The following NINL variants were observed in gnomAD, a reference collection of about 807,000 sequenced individuals.
NINL encodes the protein ninein like.
In NINL, 153 loss-of-function variants were observed where a neutral mutation model predicts 160.3. The ratio of observed to expected loss-of-function variants is 0.95; its 90% confidence interval spans 0.84 to 1.09. The LOEUF (loss-of-function observed/expected upper bound fraction) is 1.09. Among genes scored for constraint, NINL ranks in the 50% least tolerant of loss-of-function variants. The pLI, the probability that NINL is intolerant of heterozygous loss-of-function variation, is 0.00. For missense variants in NINL, 1,829 were observed against 1,764.0 expected, an observed-to-expected ratio of 1.04 and a Z score of -0.66; for synonymous variants, 800 against 734.8, an observed-to-expected ratio of 1.09 and a Z score of -1.43.
chr20:25,472,535 TTC>T (rs2063130529), intron 17 of NINL, among the ~76,000 whole-genome samples: 1 of 148,716 alleles, frequency 6.7e-6, no homozygotes, highest in African/African-American at 2.5e-5. Flanking sequence ...GGGAAAATAT[TTC>T]TTTTTTTTTT....
intron 14 of NINL, 125 bp downstream of exon 14, chr20:25,481,843 G>C: frequency 7.2e-7 from 1 of 1,389,946 alleles, no homozygotes; most frequent in South Asian, 1.4e-5. Flanking sequence ...CTGCAGAGCA[G>C]ACCACCTCCC....
At chr20:25,561,612 C>A (rs2064938632) in intron 1 of NINL, among the ~76,000 whole-genome samples, 1 of 151,976 alleles carries the variant, frequency 6.6e-6, no homozygotes, top group Non-Finnish European at 1.5e-5. Flanking sequence ...GGCCACCATC[C>A]CATCTAGGAA....
intron 1 of NINL, among the ~76,000 whole-genome samples, chr20:25,567,497 C>A (rs565024162): frequency 1.8e-4 from 27 of 152,196 alleles, no homozygotes; most frequent in African/African-American, 6.5e-4. Flanking sequence ...CTAGACCTAT[C>A]ATATTCAAAT....
At chr20:25,551,973 G>A (rs2064811716) in intron 1 of NINL, among the ~76,000 whole-genome samples, 2 of 152,204 alleles carry the variant, frequency 1.3e-5, no homozygotes, top group East Asian at 3.8e-4. Context: ...AGCAATTTGT[G>A]AGGGAGGCCA....
intron 1 of NINL, among the ~76,000 whole-genome samples, chr20:25,562,083 A>G (rs2064948885): frequency 7.1e-6 from 1 of 140,812 alleles, no homozygotes; most frequent in African/African-American, 2.7e-5. Flanking sequence ...TGGGGGGGTC[A>G]GCCCCCCGCC....
intron 1 of NINL, among the ~76,000 whole-genome samples, chr20:25,568,424 T>C (rs889883332): frequency 6.6e-6 from 1 of 151,590 alleles, no homozygotes; most frequent in Non-Finnish European, 1.5e-5. Flanking sequence ...TTTTTTTTTT[T>C]AAAGACAGAC....
chr20:25,554,283 G>C (rs1250626619), intron 1 of NINL, among the ~76,000 whole-genome samples: 1 of 152,218 alleles, frequency 6.6e-6, no homozygotes, highest in Non-Finnish European at 1.5e-5. Flanking sequence ...CCCAAAGACA[G>C]ACAGAAGGAC....
At chr20:25,496,422 A>G (rs1490570360) in intron 10 of NINL, among the ~76,000 whole-genome samples, 1 of 152,082 alleles carries the variant, frequency 6.6e-6, no homozygotes. Context: ...AGGAGGCAGG[A>G]CCTCCTCGGC....
At chr20:25,572,688 T>C (rs2065067775) in intron 1 of NINL, among the ~76,000 whole-genome samples, 1 of 152,094 alleles carries the variant, frequency 6.6e-6, no homozygotes, top group South Asian at 2.1e-4. Context: ...CACAAGCATA[T>C]AAGGTAGTTT....
chr20:25,489,245 C>G lies in NINL; in HGVS notation c.1676G>C (p.Arg559Pro). Residue 559 changes from arginine (R) to proline (P), a missense_variant and splice_region_variant, in exon 13 of 24, where the codon CGG (arginine) becomes CCG (proline). Arg to Pro is a moderately radical substitution (Grantham distance 103). Coordinates refer to ENST00000278886, the MANE Select transcript of NINL (RefSeq NM_025176.6). ...AVLKEYELKCRDLQDRNDELQ... is the reference protein window; with the variant it reads ...AVLKEYELKCPDLQDRNDELQ... Reference sequence around the variant, plus strand: ...AAGGCAGACAGAGCAGGCACGTACCCGGCACTTGAGCTCGTATTCCTTCAG... The same window carrying G: ...AAGGCAGACAGAGCAGGCACGTACCGGGCACTTGAGCTCGTATTCCTTCAG... 6.2e-7 allele frequency: 1 copy of G among 1,614,074 alleles called. No homozygotes were observed. Among genetic ancestry groups the G allele is most frequent in the Non-Finnish European group, 8.5e-7 (1 of 1,179,924 alleles).
chr20:25,457,442 A>T (rs1327664812), intron 22 of NINL, among the ~76,000 whole-genome samples: 2 of 152,222 alleles, frequency 1.3e-5, no homozygotes, highest in Admixed American at 1.3e-4. Flanking sequence ...TGGTCCTAAG[A>T]TTTTAACCAT....
At chr20:25,469,781 G>A (rs1021574555) in intron 18 of NINL, among the ~76,000 whole-genome samples, 2 of 152,152 alleles carry the variant, frequency 1.3e-5, no homozygotes, top group Admixed American at 6.5e-5. Context: ...GAGCTGGGGC[G>A]TTCAGGTGCC....
intron 2 of NINL, among the ~76,000 whole-genome samples, chr20:25,518,474 C>T (rs555525428): frequency 2.0e-5 from 3 of 152,174 alleles, no homozygotes; most frequent in Non-Finnish European, 4.4e-5. Flanking sequence ...GGTCCATTTT[C>T]TCTTTTAACA....
chr20:25,498,425 C>CAGGG, intron 8 of NINL, 79 bp from the exon 9 acceptor site: 1 of 1,553,810 alleles, frequency 6.4e-7, no homozygotes, highest in Non-Finnish European at 8.7e-7. Flanking sequence ...CTCCCTGATC[C>CAGGG]AGGGCCTAGC....
In NINL at chr20:25,500,842, G is replaced by A; in HGVS notation, c.1030C>T (p.Gln344Ter). 3 of 1,613,324 alleles carry A rather than the reference G, an allele frequency of 1.9e-6. No individual in the cohort carries two copies. Among genetic ancestry groups the A allele is most frequent in the Non-Finnish European group, 2.5e-6 (3 of 1,179,586 alleles). ...TTAGGCATCACCCAGTTCCAAACCTGCAAGATCTCCCTGCCATTCTGAATC... is the reference window on the plus strand; with the variant it reads ...TTAGGCATCACCCAGTTCCAAACCTACAAGATCTCCCTGCCATTCTGAATC... ...EGIQNGREILQSLDFSVDEKV... is the reference protein window; with the variant it reads ...EGIQNGREIL The change falls in exon 8 of 24, where the codon CAG (glutamine) becomes TAG (stop). Residue 344 changes from glutamine (Q) to a stop codon, truncating the protein, a stop_gained and splice_region_variant. Coordinates refer to ENST00000278886, the MANE Select transcript of NINL (RefSeq NM_025176.6). LOFTEE classifies it high-confidence loss of function.
intron 2 of NINL, among the ~76,000 whole-genome samples, chr20:25,524,768 C>T (rs774205019): frequency 6.6e-6 from 1 of 152,050 alleles, no homozygotes; most frequent in Non-Finnish European, 1.5e-5. Flanking sequence ...AATGACGTGG[C>T]TTATTCAATC....
intron 13 of NINL, among the ~76,000 whole-genome samples, chr20:25,488,188 T>C (rs2063542636): frequency 1.3e-5 from 2 of 152,222 alleles, no homozygotes; most frequent in Admixed American, 6.5e-5. Flanking sequence ...CAGGTGAATG[T>C]GTGGCACGCC....
At chr20:25,513,084 AGAAGGTGCACACTCAGCACCGAGT>A in intron 3 of NINL, 78 bp from the exon 4 acceptor site, 1 of 1,447,300 alleles carries the variant, frequency 6.9e-7, no homozygotes. Context: ...GTACCCTCTG[AGAAGGTGCACACTCAGCACCGAGT>A]GTGCCCCTCA....
At position 25,505,044 on chromosome 20, in the gene NINL, C is replaced by T. The variant is rs777565737; in HGVS notation, c.552G>A (p.Gly184=). Residue 184 remains glycine (G), a synonymous_variant, in exon 6 of 24, where the codon GGG becomes GGA. Coordinates refer to ENST00000278886, the MANE Select transcript of NINL (RefSeq NM_025176.6). The part of the protein sequence containing the change: ...QLQTWDSEDF[G]SPQKSCSPSF... ...AGGGGCTGCAGGACTTCTGGGGGCT[C>T]CCAAAGTCCTCAGAATCCCAGGTCT... The T allele has an allele frequency of 6.2e-7, 1 of 1,606,288 alleles. No homozygotes were observed. Among genetic ancestry groups the T allele is most frequent in the African/African-American group, 1.3e-5 (1 of 74,704 alleles).
Sources: allele counts gnomAD v4.1 joint callset (sites outside exome capture counted in the v4.1 genomes callset), GRCh38; gene constraint gnomAD v4.1.1; transcripts MANE v1.5; gene names NCBI Gene and HGNC (gene_info 2026-07-23, HGNC 2026-07-21).